Variants in SLC35F4 observed in about 807,000 individuals in gnomAD.
The protein encoded by SLC35F4 is chromosome 14 open reading frame 36.
A neutral mutation model predicts 44.2 loss-of-function variants in SLC35F4; 24 were observed. The observed-to-expected ratio is 0.54, with a 90% CI of 0.39 to 0.76. SLC35F4 has a LOEUF of 0.76. Among genes scored for constraint, SLC35F4 ranks in the 30% least tolerant of loss-of-function variants. SLC35F4 has a pLI of 0.00. For synonymous variants in SLC35F4, 238 were observed against 223.6 expected (o/e 1.06, Z -0.57); for missense variants, 562 against 586.1 (o/e 0.96, Z 0.42).
intron 1 of SLC35F4, among the ~76,000 whole-genome samples, chr14:57,885,162 C>T (rs1392060703): frequency 6.6e-6 from 1 of 152,116 alleles, no homozygotes; most frequent in African/African-American, 2.4e-5. Flanking sequence ...GTATGAAAAT[C>T]CATATTGTAT....
At chr14:57,847,101 A>G (rs538138487) in intron 1 of SLC35F4, among the ~76,000 whole-genome samples, 184 of 152,308 alleles carry the variant, frequency 1.2e-3, no homozygotes, top group African/African-American at 3.9e-3. Context: ...CTACTATTTC[A>G]TTTTTGTTAA....
At chr14:57,621,839 T>C (rs10144327) in intron 1 of SLC35F4, among the ~76,000 whole-genome samples, 95,170 of 142,190 alleles carry the variant, frequency 0.67, 32,752 homozygotes, top group Non-Finnish European at 0.75. Flanking sequence ...AACTAAAGAG[T>C]TCCTGCACAG....
chr14:57,745,383 A>G (rs1284646369), intron 1 of SLC35F4, among the ~76,000 whole-genome samples: 6 of 152,242 alleles, frequency 3.9e-5, no homozygotes, highest in Non-Finnish European at 7.3e-5. Context: ...AAACAAACGT[A>G]AAAGAAAAAA....
chr14:57,946,305 A>G lies in SLC35F4; in HGVS notation n.282+35608T>C, dbSNP rs551613925. Among the ~76,000 whole-genome samples the G allele has an allele frequency of 1.5e-3, 224 of 152,176 alleles. 1 individual carries two copies. The highest frequency in any genetic ancestry group is 5.3e-3 in the African/African-American group (219 of 41,532). On this transcript the variant is annotated intron_variant and non_coding_transcript_variant, in intron 1 of 1. Transcript: ENST00000556568. ...TCCATCTTGAGTTGATTTTTACACAAGGTGAGAGATGGGGATCCAGTTTCA... is the reference window on the plus strand; with the variant it reads ...TCCATCTTGAGTTGATTTTTACACAGGGTGAGAGATGGGGATCCAGTTTCA...
chr14:57,685,837 C>G (rs1380639516), intron 1 of SLC35F4, among the ~76,000 whole-genome samples: 1 of 152,178 alleles, frequency 6.6e-6, no homozygotes, highest in South Asian at 2.1e-4. Context: ...AGTCGAGGGA[C>G]TCTTCTCACT....
intron 1 of SLC35F4, among the ~76,000 whole-genome samples, chr14:57,807,937 A>G (rs191013865): frequency 6.6e-6 from 1 of 151,886 alleles, no homozygotes; most frequent in South Asian, 2.1e-4. Flanking sequence ...CATGTTTTAC[A>G]TGGTGGCAGG....
chr14:57,867,990 T>G (rs939855004), upstream of SLC35F4, among the ~76,000 whole-genome samples: 13 of 152,148 alleles, frequency 8.5e-5, no homozygotes, highest in African/African-American at 2.9e-4. Context: ...GTACTTAAAT[T>G]ATAAATAACA....
Position 57,847,245 on chromosome 14 carries a change from A to C in SLC35F4, c.103+18478T>G, listed in dbSNP as rs556135622. On this transcript the variant is annotated intron_variant, in intron 1 of 7. Coordinates refer to ENST00000556826, the MANE Select transcript of SLC35F4 (RefSeq NM_001306087.2). ...GGATCTCCTTGGAGCTTTAAAAAGT[A>C]CTGATGCCTGGGTTTCAATCCCAGT... 7.2e-5 allele frequency among the ~76,000 whole-genome samples: 11 copies of C among 152,276 alleles called. No individual in the cohort carries two copies. In the East Asian group the frequency reaches 2.1e-3, roughly 29 times the overall value.
At position 57,589,332 on chromosome 14, in the gene SLC35F4, A is replaced by T. The variant is rs1469229345; in HGVS notation, c.471T>A (p.Tyr157Ter). 1 of 1,613,914 alleles carries T rather than the reference A, an allele frequency of 6.2e-7. No homozygotes were observed. Among genetic ancestry groups the T allele is most frequent in the Non-Finnish European group, 8.5e-7 (1 of 1,179,908 alleles). Residue 157 changes from tyrosine (Y) to a stop codon, truncating the protein, a stop_gained, in exon 3 of 8, where the codon TAT (tyrosine) becomes TAA (stop). Coordinates refer to ENST00000556826, the MANE Select transcript of SLC35F4 (RefSeq NM_001306087.2). LOFTEE classifies it high-confidence loss of function. ...AAAACCAAGTCATGAAAAATGGGCA[A>T]TAGAAGTTCTTATAAGTAATTTTTA... ...QIVKITYKNF[Y>*]CPFFMTWFST... is the part of the protein sequence containing the mutation.
intron 1 of SLC35F4, among the ~76,000 whole-genome samples, chr14:57,811,041 C>T (rs956799493): frequency 2.0e-5 from 3 of 152,186 alleles, no homozygotes; most frequent in African/African-American, 7.2e-5. Flanking sequence ...GTAGAGGACA[C>T]TGGGTAACAG....
At chr14:57,914,877 G>A (rs1380535559) in intron 1 of SLC35F4, among the ~76,000 whole-genome samples, 3 of 152,020 alleles carry the variant, frequency 2.0e-5, no homozygotes, top group African/African-American at 2.4e-5. Flanking sequence ...CTAGGATCTC[G>A]GGGCAGCCCT....
chr14:57,654,974 G>A (rs12890746), intron 1 of SLC35F4, among the ~76,000 whole-genome samples: 25,530 of 152,058 alleles, frequency 0.17, 2,936 homozygotes, highest in African/African-American at 0.33. Context: ...TTTAAGGTGT[G>A]TCATAGCTTT....
chr14:57,747,655 C>T (rs1183722329), intron 1 of SLC35F4, among the ~76,000 whole-genome samples: 1 of 152,146 alleles, frequency 6.6e-6, no homozygotes, highest in African/African-American at 2.4e-5. Context: ...ACCATCAATA[C>T]TTCAGAATAT....
intron 1 of SLC35F4, among the ~76,000 whole-genome samples, chr14:57,693,689 G>A: frequency 6.6e-6 from 1 of 152,176 alleles, no homozygotes; most frequent in Non-Finnish European, 1.5e-5. Context: ...TGAAGGCTGT[G>A]AGACCCCTGA....
At chr14:57,891,382 G>A (rs1888760521) in intron 1 of SLC35F4, among the ~76,000 whole-genome samples, 1 of 152,240 alleles carries the variant, frequency 6.6e-6, no homozygotes, top group Non-Finnish European at 1.5e-5. Context: ...TGAGGGCTCA[G>A]TGGTGTGTGC....
intron 1 of SLC35F4, among the ~76,000 whole-genome samples, chr14:57,977,191 T>A (rs1881243956): frequency 6.6e-6 from 1 of 152,146 alleles, no homozygotes; most frequent in South Asian, 2.1e-4. Context: ...GAATTTTTTT[T>A]GGATTTGAGT....
chr14:57,937,967 G>A (rs530964327), intron 1 of SLC35F4, among the ~76,000 whole-genome samples: 38 of 152,084 alleles, frequency 2.5e-4, no homozygotes, highest in East Asian at 3.9e-4. Flanking sequence ...GAGAATTCGC[G>A]CCTCTAATAC....
In SLC35F4 at chr14:57,815,640, C is replaced by CTT. The variant is rs879927578; in HGVS notation, c.103+50082_103+50083insAA. Among the ~76,000 whole-genome samples the CTT allele has an allele frequency of 4.6e-5, 7 of 152,220 alleles. No individual in the cohort carries two copies. The East Asian group carries it at 1.4e-3, about 29-fold the overall frequency. The stretch of plus-strand genomic sequence containing the variant: ...TGCCTAGCTATGACCTAGCTTCTGG[C>CTT]AAGGCAGAATTTACTTAAGGATGCA... On this transcript the variant is annotated intron_variant, in intron 1 of 7. Coordinates refer to ENST00000556826, the MANE Select transcript of SLC35F4 (RefSeq NM_001306087.2).
intron 1 of SLC35F4, among the ~76,000 whole-genome samples, chr14:57,844,867 A>T (rs1010163495): frequency 3.3e-5 from 5 of 151,956 alleles, no homozygotes; most frequent in African/African-American, 1.2e-4. Flanking sequence ...CACCAACTGG[A>T]CCTTTGTTAC....
Sources: allele counts gnomAD v4.1 joint callset (sites outside exome capture counted in the v4.1 genomes callset), GRCh38; gene constraint gnomAD v4.1.1; transcripts MANE v1.5; gene names NCBI Gene and HGNC (gene_info 2026-07-23, HGNC 2026-07-21).